Variants in NR3C2 observed in about 807,000 individuals in gnomAD.
NR3C2 encodes mineralocorticoid receptor.
NR3C2 carries 15 observed loss-of-function variants against 86.4 expected under a neutral mutation model. The observed-to-expected ratio is 0.17, with a 90% CI of 0.12 to 0.27. The LOEUF is 0.27. Among genes scored for constraint, NR3C2 ranks in the 10% least tolerant of loss-of-function variants. NR3C2 has a pLI of 1.00. For missense variants in NR3C2, 960 were observed against 1,195.6 expected (o/e 0.80, Z 2.91); for synonymous variants, 458 against 450.5 (o/e 1.02, Z -0.21).
intron 2 of NR3C2, among the ~76,000 whole-genome samples, chr4:148,331,284 C>T (rs1357564191): frequency 6.6e-6 from 1 of 151,652 alleles, no homozygotes. Context: ...GTGGGATAAA[C>T]GAAAAACTAA....
intron 2 of NR3C2, among the ~76,000 whole-genome samples, chr4:148,344,015 A>C (rs1744874485): frequency 6.6e-6 from 1 of 152,148 alleles, no homozygotes; most frequent in Admixed American, 6.6e-5. Flanking sequence ...TTAATTGCTA[A>C]ATGGCAACTA....
intron 2 of NR3C2, among the ~76,000 whole-genome samples, chr4:148,362,310 G>A (rs1380581002): frequency 6.6e-6 from 1 of 152,082 alleles, no homozygotes; most frequent in African/African-American, 2.4e-5. Context: ...TCATATAGAA[G>A]GAGGATACTG....
At chr4:148,255,728 C>A (rs1187331565) in intron 3 of NR3C2, among the ~76,000 whole-genome samples, 1 of 152,170 alleles carries the variant, frequency 6.6e-6, no homozygotes, top group Non-Finnish European at 1.5e-5. Flanking sequence ...TGTGCTGAAT[C>A]TAGTCAACTC....
At chr4:148,422,161 C>T (rs1327723522) in intron 2 of NR3C2, among the ~76,000 whole-genome samples, 1 of 152,022 alleles carries the variant, frequency 6.6e-6, no homozygotes, top group Non-Finnish European at 1.5e-5. Context: ...TTTCACCTTA[C>T]ACATAGCAAC....
In NR3C2 at chr4:148,401,461, C is replaced by CTTTT. The variant is rs397881130; in HGVS notation, c.1757+33639_1757+33642dup. 7.3e-4 allele frequency among the ~76,000 whole-genome samples: 85 copies of CTTTT among 116,904 alleles called. 1 individual carries two copies. Among genetic ancestry groups the CTTTT allele is most frequent in the African/African-American group, 2.0e-3 (63 of 30,930 alleles). 76.7% of individuals were successfully genotyped at this position (116,904 alleles called of 152,430 possible). The stretch of plus-strand genomic sequence containing the variant: ...CTAAAGACTTCTGATAAAGTTGTCT[C>CTTTT]TTTTTTTTTTTTTTTTTTTTGAGAC... On this transcript the variant is annotated intron_variant, in intron 2 of 8. Coordinates refer to ENST00000358102, the MANE Select transcript of NR3C2 (RefSeq NM_000901.5).
chr4:148,230,143 A>G (rs1023200867), intron 3 of NR3C2, among the ~76,000 whole-genome samples: 29 of 152,194 alleles, frequency 1.9e-4, no homozygotes, highest in Admixed American at 1.8e-3. Context: ...TTGGAGTAAA[A>G]CAGGCACTTA....
intron 2 of NR3C2, among the ~76,000 whole-genome samples, chr4:148,395,224 A>G (rs1398269): frequency 0.97 from 148,381 of 152,272 alleles, 72,369 homozygotes; most frequent in Non-Finnish European, 1. Flanking sequence ...AGTATGTATA[A>G]ACTCTAAATT....
At chr4:148,401,487 A>T (rs1748160836) in intron 2 of NR3C2, among the ~76,000 whole-genome samples, 1 of 132,282 alleles carries the variant, frequency 7.6e-6, no homozygotes, top group African/African-American at 2.8e-5. Flanking sequence ...TTTTTGAGAC[A>T]GAGTCTTGCT....
rs144610060 is a variant in NR3C2 at position 148,220,089 on chromosome 4, A to ATT, written c.1898-25229_1898-25228dup. 7.7e-3 allele frequency among the ~76,000 whole-genome samples: 1,148 copies of ATT among 149,686 alleles called. 10 individuals carry two copies. Among genetic ancestry groups the ATT allele is most frequent in the African/African-American group, 0.025 (1,012 of 40,672 alleles). Reference sequence around the variant, plus strand: ...AGGTATACACCACTACACCCAGCTAATTTTTTTTTTCTTTTAAGACCGGGT... The same window carrying ATT: ...AGGTATACACCACTACACCCAGCTAATTTTTTTTTTTTCTTTTAAGACCGGGT... On this transcript the variant is annotated intron_variant, in intron 3 of 8. Transcript: ENST00000358102.
chr4:148,385,887 C>A (rs2126468134), intron 2 of NR3C2, among the ~76,000 whole-genome samples: 1 of 152,298 alleles, frequency 6.6e-6, no homozygotes, highest in East Asian at 1.9e-4. Context: ...TGAATTCACA[C>A]CACCACTGCC....
At chr4:148,332,767 G>C (rs6840095) in intron 2 of NR3C2, among the ~76,000 whole-genome samples, 2,468 of 152,300 alleles carry the variant, frequency 0.016, 64 homozygotes, top group African/African-American at 0.056. Context: ...TGGGATACAA[G>C]TAGTACATCT....
chr4:148,102,533 G>C (rs1731585270), intron 8 of NR3C2, among the ~76,000 whole-genome samples: 1 of 151,908 alleles, frequency 6.6e-6, no homozygotes, highest in South Asian at 2.1e-4. Context: ...AGTTCTCTTT[G>C]ACTTGCTCTC....
At chr4:148,211,502 T>C (rs924673408) in intron 3 of NR3C2, among the ~76,000 whole-genome samples, 9 of 152,240 alleles carry the variant, frequency 5.9e-5, no homozygotes, top group Non-Finnish European at 1.3e-4. Flanking sequence ...TATTTTTATG[T>C]TGCAATTATA....
rs61764241 is a variant in NR3C2 at position 148,110,214 on chromosome 4, A to G, written c.2799+3890T>C. On this transcript the variant is annotated intron_variant, in intron 8 of 8. Coordinates refer to ENST00000358102, the MANE Select transcript of NR3C2 (RefSeq NM_000901.5). The stretch of plus-strand genomic sequence containing the variant: ...AGTTGTTAACTGATTCAAACACTCA[A>G]CTATCAACCTGTTCTTTCAGAGAAT... Among the ~76,000 whole-genome samples, 328 of 152,328 alleles carry G rather than the reference A, an allele frequency of 2.2e-3. 1 individual carries two copies. The highest frequency in any genetic ancestry group is 4.0e-3 in the Non-Finnish European group (272 of 68,022).
chr4:148,320,719 G>C (rs565497581), intron 2 of NR3C2, among the ~76,000 whole-genome samples: 1 of 152,060 alleles, frequency 6.6e-6, no homozygotes, highest in South Asian at 2.1e-4. Context: ...GATTGGTGGT[G>C]ATATCCCCTT....
chr4:148,217,356 T>C lies in NR3C2; in HGVS notation c.1898-22494A>G, dbSNP rs116532585. ...ACGAATACAGAAAACTCTTAGGACA[T>C]GCACAGGAAAAATCTCTCATTTCCC... On this transcript the variant is annotated intron_variant, in intron 3 of 8. Coordinates refer to ENST00000358102, the MANE Select transcript of NR3C2 (RefSeq NM_000901.5). Among the ~76,000 whole-genome samples, 909 of 152,312 alleles carry C rather than the reference T, an allele frequency of 6.0e-3. 9 individuals carry two copies. Among genetic ancestry groups the C allele is most frequent in the Non-Finnish European group, 9.7e-3 (657 of 68,014 alleles).
chr4:148,340,138 T>G (rs1451414838), intron 2 of NR3C2, among the ~76,000 whole-genome samples: 1 of 152,094 alleles, frequency 6.6e-6, no homozygotes, highest in Non-Finnish European at 1.5e-5. Context: ...AATGACATTC[T>G]TCACAGAATT....
intron 2 of NR3C2, among the ~76,000 whole-genome samples, chr4:148,267,544 TA>T (rs1429402428): frequency 6.6e-6 from 1 of 152,114 alleles, no homozygotes; most frequent in Non-Finnish European, 1.5e-5. Flanking sequence ...AAAGGGTTTT[TA>T]AAAAAATAAT....
intron 8 of NR3C2, among the ~76,000 whole-genome samples, chr4:148,111,696 C>G (rs1455076357): frequency 6.6e-6 from 1 of 152,146 alleles, no homozygotes; most frequent in Non-Finnish European, 1.5e-5. Context: ...GAGTGAATCT[C>G]AACGTTACTA....
Sources: allele counts gnomAD v4.1 joint callset (sites outside exome capture counted in the v4.1 genomes callset), GRCh38; gene constraint gnomAD v4.1.1; transcripts MANE v1.5; gene names NCBI Gene and HGNC (gene_info 2026-07-23, HGNC 2026-07-21).